TTC21B: variants seen among roughly 807,000 people sequenced by gnomAD.
The protein encoded by TTC21B is tetratricopeptide repeat domain 21B.
Under a neutral mutation model 175.1 loss-of-function variants are expected in TTC21B, and 127 were observed. The observed-to-expected ratio is 0.73, with a 90% confidence interval of 0.63 to 0.84. The LOEUF (loss-of-function observed/expected upper bound fraction) is 0.84, where lower values mean the gene tolerates loss of function less well. TTC21B is among the 40% of genes least tolerant of loss of function. The pLI is 0.00. For missense variants in TTC21B, 1,561 were observed against 1,558.3 expected (o/e 1.00, Z -0.03); for synonymous variants, 524 against 524.5 (o/e 1.00, Z 0.01).
At chr2:165,902,703 C>A (rs1221809842) in intron 19 of TTC21B, among the ~76,000 whole-genome samples, 1 of 152,168 alleles carries the variant, frequency 6.6e-6, no homozygotes, top group Non-Finnish European at 1.5e-5. Flanking sequence ...AGATTATACA[C>A]ATGCATACAT....
At chr2:165,945,742 T>G in intron 3 of TTC21B, 52 bp from the exon 4 acceptor site, 3 of 1,576,424 alleles carry the variant, frequency 1.9e-6, no homozygotes, top group Non-Finnish European at 2.6e-6. Context: ...ATCAGGTATT[T>G]ATAATAGGTC....
intron 15 of TTC21B, among the ~76,000 whole-genome samples, chr2:165,914,678 T>TGTGTGTGTGTGTGTGTGTGTGCGCGCGC (rs1553511318): frequency 2.5e-5 from 3 of 117,846 alleles, no homozygotes; most frequent in African/African-American, 1.2e-4. Flanking sequence ...TGTGTGTGTG[T>TGTGTGTGTGTGTGTGTGTGTGCGCGCGC]GTGTGTGTGT....
At position 165,929,700 on chromosome 2, in the gene TTC21B, G is replaced by A; in HGVS notation, c.1135C>T (p.Gln379Ter). Reference protein sequence around the residue: ...LIEGQLQDADQQLEFLNEIQQ... With the variant: ...LIEGQLQDAD ...ATTTCATTTAAAAATTCTAGCTGCT[G>A]ATCTGCATCCTGTAATTGCCCTTCT... Residue 379 changes from glutamine (Q) to a stop codon, truncating the protein, a stop_gained, in exon 10 of 29, where the codon CAG becomes TAG. Transcript: ENST00000243344. LOFTEE classifies it high-confidence loss of function. 6.2e-7 allele frequency: 1 copy of A among 1,612,784 alleles called. No homozygotes were observed. The highest frequency in any genetic ancestry group is 8.5e-7 in the Non-Finnish European group (1 of 1,179,230).
chr2:165,901,468 C>T (rs991131222), intron 20 of TTC21B, among the ~76,000 whole-genome samples: 1 of 151,882 alleles, frequency 6.6e-6, no homozygotes, highest in Admixed American at 6.6e-5. Context: ...TTACAGGAGG[C>T]GCCCCCCACC....
At chr2:165,931,107 A>G (rs763841171) in intron 8 of TTC21B, among the ~76,000 whole-genome samples, 2 of 152,246 alleles carry the variant, frequency 1.3e-5, no homozygotes, top group African/African-American at 4.8e-5. Context: ...TTCTTCCTCT[A>G]AAGTTTACAC....
At chr2:165,935,614 G>C (rs1687100800) in intron 6 of TTC21B, among the ~76,000 whole-genome samples, 1 of 152,150 alleles carries the variant, frequency 6.6e-6, no homozygotes, top group South Asian at 2.1e-4. Flanking sequence ...ATTATAGCAA[G>C]ATTGTAGGAT....
At chr2:165,905,533 A>G (rs771701888) in intron 19 of TTC21B, among the ~76,000 whole-genome samples, 3 of 152,202 alleles carry the variant, frequency 2.0e-5, no homozygotes, top group Non-Finnish European at 4.4e-5. Context: ...TTAAAGCAAG[A>G]AGCATTACTA....
chr2:165,953,627 G>A lies in TTC21B; in HGVS notation c.21+58C>T, dbSNP rs1452261348. On this transcript the variant is annotated intron_variant, in intron 1 of 28. Transcript: ENST00000243344. ...TCCCTCCGCGCCCCCGGGCCAAAAGGCCGCAAAGGAACTCCGCCCGCCCGC... is the reference window on the plus strand; with the variant it reads ...TCCCTCCGCGCCCCCGGGCCAAAAGACCGCAAAGGAACTCCGCCCGCCCGC... 2.6e-6 allele frequency: 4 copies of A among 1,536,464 alleles called. No homozygotes were observed. In the Admixed American group the frequency reaches 7.9e-5, roughly 30 times the overall value.
At chr2:165,894,869 G>A (rs1238098061) in intron 22 of TTC21B, among the ~76,000 whole-genome samples, 1 of 152,126 alleles carries the variant, frequency 6.6e-6, no homozygotes, top group African/African-American at 2.4e-5. Flanking sequence ...AATATTTTTA[G>A]TAAAATACTA....
intron 11 of TTC21B, chr2:165,928,693 A>G (rs1458100944): frequency 5.5e-6 from 1 of 180,730 alleles, no homozygotes; most frequent in Non-Finnish European, 1.2e-5. Context: ...AAGGAGGACC[A>G]GTAAATGGTC....
intron 11 of TTC21B, chr2:165,928,859 G>C (rs1574118784): frequency 2.5e-6 from 1 of 397,530 alleles, no homozygotes; most frequent in Non-Finnish European, 4.7e-6. Context: ...CAAATATAAG[G>C]TAGGTGTCTG....
chr2:165,929,047 T>C (rs1686782785), intron 11 of TTC21B, 88 bp downstream of exon 11: 2 of 1,148,534 alleles, frequency 1.7e-6, no homozygotes, highest in Admixed American at 1.8e-5. Flanking sequence ...GATGCCGATA[T>C]AGTCTAATGC....
chr2:165,932,990 CT>C lies in TTC21B; in HGVS notation c.777del (p.Glu260ArgfsTer4). On this transcript the variant is annotated frameshift_variant, in exon 7 of 29. Transcript: ENST00000243344. LOFTEE classifies it high-confidence loss of function. The stretch of plus-strand genomic sequence containing the variant: ...CCACTTACCTTCTCTATATCCCCCT[CT>C]CTACACACATAGTAGAGTGCCTGCA... ...LRMQALYYVC[R>X]EGDIEKASTK... is the part of the protein sequence containing the mutation. 1 of 1,613,120 alleles carries C rather than the reference CT, an allele frequency of 6.2e-7. No homozygotes were observed. Among genetic ancestry groups the C allele is most frequent in the Non-Finnish European group, 8.5e-7 (1 of 1,179,502 alleles).
chr2:165,940,800 G>C (rs1687335037), intron 6 of TTC21B, among the ~76,000 whole-genome samples: 1 of 151,976 alleles, frequency 6.6e-6, no homozygotes, highest in Non-Finnish European at 1.5e-5. Flanking sequence ...AGGGATATTG[G>C]CCTGTTTGCC....
chr2:165,901,970 C>T, intron 19 of TTC21B, 60 bp from the exon 20 acceptor site: 1 of 1,358,398 alleles, frequency 7.4e-7, no homozygotes, highest in South Asian at 1.2e-5. Flanking sequence ...TTCTCCGTAA[C>T]TCACACACAG....
At chr2:165,929,417 T>C in intron 10 of TTC21B, 82 bp from the exon 11 acceptor site, 1 of 1,141,408 alleles carries the variant, frequency 8.8e-7, no homozygotes, top group Non-Finnish European at 1.3e-6. Context: ...ATGCATATAA[T>C]GTGCTACTGA....
At chr2:165,914,064 A>T (rs1394787452) in intron 15 of TTC21B, among the ~76,000 whole-genome samples, 1 of 152,200 alleles carries the variant, frequency 6.6e-6, no homozygotes, top group Non-Finnish European at 1.5e-5. Context: ...GCTGAAATAA[A>T]TTACCTTAAA....
chr2:165,891,903 T>C (rs994541587), intron 22 of TTC21B, among the ~76,000 whole-genome samples: 2 of 152,132 alleles, frequency 1.3e-5, no homozygotes, highest in Non-Finnish European at 2.9e-5. Flanking sequence ...AGCAAAGATA[T>C]TTCTTTGTTT....
chr2:165,923,734 G>A (rs1025965198), intron 12 of TTC21B, among the ~76,000 whole-genome samples: 7 of 136,408 alleles, frequency 5.1e-5, no homozygotes, highest in African/African-American at 1.9e-4. Context: ...GAGCCACCAC[G>A]CCCAGCTGGT....
Sources: allele counts gnomAD v4.1 joint callset (sites outside exome capture counted in the v4.1 genomes callset), GRCh38; gene constraint gnomAD v4.1.1; transcripts MANE v1.5; gene names NCBI Gene and HGNC (gene_info 2026-07-23, HGNC 2026-07-21).